Variants in SIRPB1 observed in about 807,000 individuals in gnomAD.
SIRPB1 encodes signal-regulatory protein beta-1.
In SIRPB1, 28 loss-of-function variants were observed where a neutral mutation model predicts 34.1. The observed-to-expected ratio is 0.82, with a 90% confidence interval of 0.61 to 1.12. The LOEUF is 1.12. SIRPB1 is among the 50% of genes most tolerant of loss of function. The pLI, the probability that SIRPB1 is intolerant of heterozygous loss-of-function variation, is 0.00. For missense variants in SIRPB1, 499 were observed against 507.0 expected, an observed-to-expected ratio of 0.98 and a Z score of 0.15; for synonymous variants, 211 against 203.8, an observed-to-expected ratio of 1.04 and a Z score of -0.30.
At chr20:1,616,548 A>T (rs1408365116) in intron 1 of SIRPB1, among the ~76,000 whole-genome samples, 1 of 152,236 alleles carries the variant, frequency 6.6e-6, no homozygotes, top group East Asian at 1.9e-4. Flanking sequence ...CACATGACAC[A>T]CAAAAATCAA....
chr20:1,571,205 G>A (rs947033041), intron 3 of SIRPB1, 68 bp from the exon 4 acceptor site: 51 of 1,472,544 alleles, frequency 3.5e-5, no homozygotes, highest in South Asian at 1.8e-4. Context: ...GCTAAATAAC[G>A]TAGCTCCCAC....
rs761135759 is a variant in SIRPB1 at position 1,570,884 on chromosome 20, A to G, written c.1005T>C (p.Asp335=). Reference sequence around the variant, plus strand: ...AGCTTTTGCTGACTGCTTGCTGCCCATCATGCTCCACCTGACAGGTGAGCA... The same window carrying G: ...AGCTTTTGCTGACTGCTTGCTGCCCGTCATGCTCCACCTGACAGGTGAGCA... ...DVVLTCQVEH[D]GQQAVSKSYA... Residue 335 remains aspartate (D), a synonymous_variant, in exon 4 of 6, where the codon GAT becomes GAC. Coordinates refer to ENST00000381605, the MANE Select transcript of SIRPB1 (RefSeq NM_006065.5). 1 of 1,614,198 alleles carries G rather than the reference A, an allele frequency of 6.2e-7. No homozygotes were observed. Among genetic ancestry groups the G allele is most frequent in the African/African-American group, 1.3e-5 (1 of 75,040 alleles).
Position 1,565,226 on chromosome 20 carries a change from C to CGGA in SIRPB1, c.*273_*274insTCC. Reference sequence around the variant, plus strand: ...CCCAAGGCGACGGATGGGAGAAGTCCTGGTGTGTTTAGATTTGGAGTGTTT... The same window carrying CGGA: ...CCCAAGGCGACGGATGGGAGAAGTCCGGATGGTGTGTTTAGATTTGGAGTGTTT... On this transcript the variant is annotated 3_prime_UTR_variant, in exon 6 of 6. Coordinates refer to ENST00000381605, the MANE Select transcript of SIRPB1 (RefSeq NM_006065.5). 2 of 393,786 alleles carry CGGA rather than the reference C, an allele frequency of 5.1e-6. No individual in the cohort carries two copies. Among genetic ancestry groups the CGGA allele is most frequent in the Non-Finnish European group, 8.9e-6 (2 of 223,642 alleles). 24.4% of individuals were successfully genotyped at this position (393,786 alleles called of 1,614,324 possible).
intron 4 of SIRPB1, 101 bp from the exon 5 acceptor site, chr20:1,566,368 C>G (rs2091135425): frequency 3.1e-6 from 2 of 644,166 alleles, no homozygotes; most frequent in Non-Finnish European, 5.3e-6. Flanking sequence ...GCCCATCAAT[C>G]CTCTGAAGCT....
intron 4 of SIRPB1, among the ~76,000 whole-genome samples, chr20:1,568,379 A>AT (rs1321332292): frequency 6.6e-6 from 1 of 152,106 alleles, no homozygotes; most frequent in Non-Finnish European, 1.5e-5. Flanking sequence ...CCTAAAATGC[A>AT]TTTCCAGACT....
chr20:1,567,667 G>A (rs917750697), intron 4 of SIRPB1, among the ~76,000 whole-genome samples: 7 of 152,316 alleles, frequency 4.6e-5, no homozygotes, highest in Middle Eastern at 3.4e-3. Flanking sequence ...GTTGTGTTGC[G>A]ATTGATAACA....
Position 1,619,958 on chromosome 20 carries a change from G to A in SIRPB1, c.-14C>T. 2 of 1,612,204 alleles carry A rather than the reference G, an allele frequency of 1.2e-6. No individual in the cohort carries two copies. Among genetic ancestry groups the A allele is most frequent in the African/African-American group, 2.7e-5 (2 of 74,974 alleles). ...TGGCACGGGCATTCTGGAGACCTTA[G>A]GAGCCTGCTCTGTCCAAACGTCTGT... On this transcript the variant is annotated 5_prime_UTR_variant, in exon 1 of 6. Coordinates refer to ENST00000381605, the MANE Select transcript of SIRPB1 (RefSeq NM_006065.5).
intron 2 of SIRPB1, among the ~76,000 whole-genome samples, chr20:1,577,053 T>C (rs2091322317): frequency 6.7e-6 from 1 of 148,396 alleles, no homozygotes; most frequent in Non-Finnish European, 1.5e-5. Flanking sequence ...GGAGCAGTTC[T>C]CTATGTCCTG....
Position 1,605,513 on chromosome 20 carries a change from G to T in SIRPB1, c.76+14356C>A, listed in dbSNP as rs1328566797. Among the ~76,000 whole-genome samples, 4 of 49,056 alleles carry T rather than the reference G, an allele frequency of 8.2e-5. 2 individuals are homozygous for T. Among genetic ancestry groups the T allele is most frequent in the Non-Finnish European group, 1.5e-4 (4 of 25,978 alleles). The allele number at this position is 49,056 out of a possible 152,430, so 32.2% of individuals were successfully genotyped here. A position where few individuals can be genotyped will look rare whatever the true frequency, so the allele number is the denominator to read the frequency against. ...AGCTGCAACCAGGCTGCTCAGCCCA[G>T]GACAGGGGTGGGCTGACACCCCCAG... On this transcript the variant is annotated intron_variant, in intron 1 of 5. Transcript: ENST00000381605.
chr20:1,617,470 G>A (rs1475823420), intron 1 of SIRPB1, among the ~76,000 whole-genome samples: 1 of 152,100 alleles, frequency 6.6e-6, no homozygotes, highest in Admixed American at 6.6e-5. Context: ...TCTCATATGT[G>A]GAATTTTAAA....
At position 1,600,456 on chromosome 20, in the gene SIRPB1, G is replaced by A. The variant is rs945749605; in HGVS notation, c.76+19413C>T. On this transcript the variant is annotated intron_variant, in intron 1 of 5. Transcript: ENST00000381605. ...TGGAGGCCGGCAGTTCTCAGCTGGG[G>A]GGCTCTCTAGGACTTTGTCTCCCCT... Among the ~76,000 whole-genome samples the A allele has an allele frequency of 6.1e-5, 3 of 48,846 alleles. 1 individual carries two copies. Among genetic ancestry groups the A allele is most frequent in the African/African-American group, 1.4e-4 (1 of 7,392 alleles). 32.0% of individuals were successfully genotyped at this position (48,846 alleles called of 152,430 possible).
At chr20:1,567,358 G>C (rs747941967) in intron 4 of SIRPB1, among the ~76,000 whole-genome samples, 5 of 152,100 alleles carry the variant, frequency 3.3e-5, no homozygotes, top group Non-Finnish European at 5.9e-5. Context: ...AGGACCCTCC[G>C]GCCTTTTGCC....
rs1005844727 is a variant in SIRPB1 at position 1,561,575 on chromosome 20, C to T, written c.*3925G>A. Among the ~76,000 whole-genome samples the T allele has an allele frequency of 2.6e-5, 4 of 152,004 alleles. No individual in the cohort carries two copies. Among genetic ancestry groups the T allele is most frequent in the African/African-American group, 7.2e-5 (3 of 41,380 alleles). On this transcript the variant is annotated 3_prime_UTR_variant, in exon 6 of 6. Coordinates refer to ENST00000381605, the MANE Select transcript of SIRPB1 (RefSeq NM_006065.5). Reference sequence around the variant, plus strand: ...TGACAGTTTTGAGGAGTTCTGGGCCCGATGTTGCAGAATGCCTCCTTATTG... The same window carrying T: ...TGACAGTTTTGAGGAGTTCTGGGCCTGATGTTGCAGAATGCCTCCTTATTG...
chr20:1,617,970 T>C (rs1210662206), intron 1 of SIRPB1, among the ~76,000 whole-genome samples: 1 of 152,128 alleles, frequency 6.6e-6, no homozygotes, highest in Non-Finnish European at 1.5e-5. Flanking sequence ...TTTGCAAATA[T>C]ATATACACAC....
Position 1,619,858 on chromosome 20 carries a change from G to C in SIRPB1, c.76+11C>G. The C allele has an allele frequency of 6.3e-7, 1 of 1,592,570 alleles. No homozygotes were observed. Among genetic ancestry groups the C allele is most frequent in the South Asian group, 1.1e-5 (1 of 90,596 alleles). On this transcript the variant is annotated intron_variant, in intron 1 of 5. Coordinates refer to ENST00000381605, the MANE Select transcript of SIRPB1 (RefSeq NM_006065.5). ...GCAGGAAAAAAGATTTTAACCGAAG[G>C]CAGTGCTCACCTGTGAGTCTCCCCA...
intron 2 of SIRPB1, among the ~76,000 whole-genome samples, chr20:1,576,637 T>A (rs752754734): frequency 1.3e-5 from 2 of 148,550 alleles, no homozygotes; most frequent in Non-Finnish European, 3.0e-5. Flanking sequence ...CCAGGCATGG[T>A]GGCTCACGCC....
chr20:1,571,502 T>C (rs1184731367), intron 3 of SIRPB1, among the ~76,000 whole-genome samples: 1 of 152,168 alleles, frequency 6.6e-6, no homozygotes, highest in East Asian at 1.9e-4. Context: ...CTTGGTGAAA[T>C]AAATGAAACT....
chr20:1,571,576 AG>A, intron 3 of SIRPB1, 143 bp downstream of exon 3: 1 of 1,196,840 alleles, frequency 8.4e-7, no homozygotes, highest in Non-Finnish European at 1.2e-6. Context: ...AATGATAGTA[AG>A]TGACCGGCTC....
rs1266205482 is a variant in SIRPB1, at chr20:1,598,019, G to A, written c.77-19325C>T. On this transcript the variant is annotated intron_variant, in intron 1 of 5. Coordinates refer to ENST00000381605, the MANE Select transcript of SIRPB1 (RefSeq NM_006065.5). The stretch of plus-strand genomic sequence containing the variant: ...CTGGAGAATCAAGGACTCTGCAAAG[G>A]AGCAACAGGAGCCTGTGGGCAGGAA... 21 of 370,056 alleles carry A rather than the reference G, an allele frequency of 5.7e-5. 10 individuals carry two copies. The highest frequency in any genetic ancestry group is 4.1e-4 in the African/African-American group (4 of 9,706). 22.9% of individuals were successfully genotyped at this position (370,056 alleles called of 1,614,324 possible). A position where few individuals can be genotyped will look rare whatever the true frequency, so the allele number is the denominator to read the frequency against.
Sources: allele counts gnomAD v4.1 joint callset (sites outside exome capture counted in the v4.1 genomes callset), GRCh38; gene constraint gnomAD v4.1.1; transcripts MANE v1.5; gene names NCBI Gene and HGNC (gene_info 2026-07-23, HGNC 2026-07-21).